DCAF17: variants seen among roughly 807,000 people sequenced by gnomAD.
The protein encoded by DCAF17 is DDB1- and CUL4-associated factor 17.
DCAF17 carries 48 observed loss-of-function variants against 66.0 expected under a neutral mutation model. The observed-to-expected ratio is 0.73, with a 90% CI of 0.58 to 0.92. DCAF17 has a LOEUF of 0.92. Among genes scored for constraint, DCAF17 ranks in the 40% least tolerant of loss-of-function variants. The pLI, the probability that DCAF17 is intolerant of heterozygous loss-of-function variation, is 0.00. For missense variants in DCAF17, 562 were observed against 622.8 expected, an observed-to-expected ratio of 0.90 and a Z score of 1.04; for synonymous variants, 206 against 214.6, an observed-to-expected ratio of 0.96 and a Z score of 0.35.
Position 171,448,682 on chromosome 2 carries a change from G to A in DCAF17, c.323G>A (p.Gly108Glu). Residue 108 changes from glycine (G) to glutamate (E), a missense_variant and splice_region_variant, in exon 4 of 14, where the codon GGA (glycine) becomes GAA (glutamate). Physicochemically the swap from Gly to Glu is moderately conservative, Grantham distance 98. Around this residue, in one of 3 missense-constraint regions of DCAF17, gnomAD observed 348 missense variants for 355.9 expected, o/e 0.98. Coordinates refer to ENST00000375255, the MANE Select transcript of DCAF17 (RefSeq NM_025000.4). ...TTATATCTCTCTTTTTTTTTTTAGG[G>A]AGATATACTTCCCAATTCATCAGAT... The part of the protein sequence containing the change: ...EDALLWECPV[G>E]DILPNSSDYK... The A allele has an allele frequency of 6.4e-7, 1 of 1,571,272 alleles. No homozygotes were observed. Among genetic ancestry groups the A allele is most frequent in the Non-Finnish European group, 8.6e-7 (1 of 1,161,914 alleles).
At chr2:171,467,300 AACATATGTAGAT>A (rs573741884) in intron 8 of DCAF17, among the ~76,000 whole-genome samples, 52 of 152,296 alleles carry the variant, frequency 3.4e-4, no homozygotes, top group Admixed American at 1.4e-3. Flanking sequence ...GAGTGCATCA[AACATATGTAGAT>A]ACTAGTTTAT....
At chr2:171,462,500 A>G (rs916880898) in intron 8 of DCAF17, among the ~76,000 whole-genome samples, 1 of 152,216 alleles carries the variant, frequency 6.6e-6, no homozygotes, top group African/African-American at 2.4e-5. Flanking sequence ...TGTAAATTAA[A>G]ATTATTATAA....
chr2:171,452,446 C>T (rs928985898), intron 5 of DCAF17, among the ~76,000 whole-genome samples: 1 of 151,896 alleles, frequency 6.6e-6, no homozygotes, highest in Non-Finnish European at 1.5e-5. Context: ...GTCAGCACAA[C>T]ACTACTTTCA....
chr2:171,452,136 C>A (rs1287240455), intron 5 of DCAF17, among the ~76,000 whole-genome samples: 1 of 152,092 alleles, frequency 6.6e-6, no homozygotes, highest in Non-Finnish European at 1.5e-5. Context: ...GCATTACAAT[C>A]TTTTTTGTTT....
In DCAF17 at chr2:171,453,227, T is replaced by C. The variant is rs1206732939; in HGVS notation, c.627+14T>C. 6 of 1,556,132 alleles carry C rather than the reference T, an allele frequency of 3.9e-6. No homozygotes were observed. The highest frequency in any genetic ancestry group is 5.3e-6 in the Non-Finnish European group (6 of 1,130,962). ...ATCAACAAAAAGGTAAGAACTCATTTCTTATTTAATTGCAATATTTTATTG... is the reference window on the plus strand; with the variant it reads ...ATCAACAAAAAGGTAAGAACTCATTCCTTATTTAATTGCAATATTTTATTG... On this transcript the variant is annotated intron_variant, in intron 6 of 13. Transcript: ENST00000375255.
chr2:171,475,418 C>T (rs1696450462), intron 10 of DCAF17, among the ~76,000 whole-genome samples: 1 of 151,894 alleles, frequency 6.6e-6, no homozygotes, highest in Non-Finnish European at 1.5e-5. Flanking sequence ...CACCTATAAC[C>T]CCAGCACTAA....
At chr2:171,451,297 A>G (rs1217855542) in intron 5 of DCAF17, among the ~76,000 whole-genome samples, 1 of 152,070 alleles carries the variant, frequency 6.6e-6, no homozygotes, top group Non-Finnish European at 1.5e-5. Context: ...AATCCTGCCC[A>G]GTCACATTAA....
chr2:171,453,253 A>G, intron 6 of DCAF17, 40 bp downstream of exon 6: 1 of 1,406,888 alleles, frequency 7.1e-7, no homozygotes, highest in Non-Finnish European at 1.0e-6. Context: ...TATTTTATTG[A>G]CAATAAGTTG....
At position 171,462,646 on chromosome 2, in the gene DCAF17, T is replaced by C. The variant is rs920094871; in HGVS notation, c.838+4169T>C. Among the ~76,000 whole-genome samples, 4 of 152,310 alleles carry C rather than the reference T, an allele frequency of 2.6e-5. No homozygotes were observed. The South Asian group carries it at 8.3e-4, about 32-fold the overall frequency. ...AACAATTTGTCAATATGACAGTTTG[T>C]TAATATGTATCAAAATTTTAAATGC... On this transcript the variant is annotated intron_variant, in intron 8 of 13. Coordinates refer to ENST00000375255, the MANE Select transcript of DCAF17 (RefSeq NM_025000.4).
chr2:171,446,660 G>T (rs1248714333), intron 3 of DCAF17, among the ~76,000 whole-genome samples: 2 of 152,118 alleles, frequency 1.3e-5, no homozygotes, highest in African/African-American at 4.8e-5. Flanking sequence ...ATATCTCAGG[G>T]TTCTTTTTAG....
Position 171,481,643 on chromosome 2 carries a change from T to C in DCAF17, c.*529T>C, listed in dbSNP as rs762022365. 1.5e-5 allele frequency: 7 copies of C among 453,114 alleles called. No individual in the cohort carries two copies. Among genetic ancestry groups the C allele is most frequent in the Non-Finnish European group, 3.1e-5 (7 of 226,558 alleles). The allele number at this position is 453,114 out of a possible 1,614,324, so 28.1% of individuals were successfully genotyped here. A position where few individuals can be genotyped will look rare whatever the true frequency, so the allele number is the denominator to read the frequency against. On this transcript the variant is annotated 3_prime_UTR_variant, in exon 14 of 14. Transcript: ENST00000375255. Reference sequence around the variant, plus strand: ...GTCATCACAGTTTTTAAAAATCTTATATATGTATTTATATGTGTTTCGTAT... The same window carrying C: ...GTCATCACAGTTTTTAAAAATCTTACATATGTATTTATATGTGTTTCGTAT...
intron 12 of DCAF17, among the ~76,000 whole-genome samples, chr2:171,479,256 G>A (rs75227314): frequency 0.028 from 4,242 of 152,254 alleles, 198 homozygotes; most frequent in African/African-American, 0.095. Context: ...AGTGATTGAG[G>A]GAAACATGCT....
intron 9 of DCAF17, among the ~76,000 whole-genome samples, chr2:171,471,402 G>A (rs527559301): frequency 6.6e-6 from 1 of 152,122 alleles, no homozygotes; most frequent in African/African-American, 2.4e-5. Context: ...ATAATAAGCT[G>A]CCCAGTATTT....
intron 9 of DCAF17, 25 bp from the exon 10 acceptor site, chr2:171,473,841 C>G (rs1266557118): frequency 6.4e-7 from 1 of 1,567,434 alleles, no homozygotes; most frequent in Admixed American, 1.7e-5. Flanking sequence ...TAATCTTTGT[C>G]TTTAATACTT....
intron 3 of DCAF17, among the ~76,000 whole-genome samples, chr2:171,448,237 T>A (rs1050640933): frequency 1.3e-5 from 2 of 152,108 alleles, no homozygotes; most frequent in Non-Finnish European, 2.9e-5. Flanking sequence ...TCTCAAGCGA[T>A]CCTCTTGCCT....
chr2:171,481,274 T>A lies in DCAF17; in HGVS notation c.*160T>A. ...TGACTTCTTTTTTAAACTCTTGCTG[T>A]AAAAGATGGTGAGGACTTCATTTTT... On this transcript the variant is annotated 3_prime_UTR_variant, in exon 14 of 14. Transcript: ENST00000375255. 1.1e-6 allele frequency: 1 copy of A among 885,294 alleles called. No individual in the cohort carries two copies. The highest frequency in any genetic ancestry group is 1.8e-6 in the Non-Finnish European group (1 of 547,636). 54.8% of individuals were successfully genotyped at this position (885,294 alleles called of 1,614,324 possible).
rs1457184454 is a variant in DCAF17 at position 171,434,564 on chromosome 2, C to G, written c.-14C>G. 4 of 1,525,254 alleles carry G rather than the reference C, an allele frequency of 2.6e-6. No homozygotes were observed. Among genetic ancestry groups the G allele is most frequent in the Admixed American group, 2.0e-5 (1 of 50,602 alleles). 94.5% of individuals were successfully genotyped at this position (1,525,254 alleles called of 1,614,324 possible). Reference sequence around the variant, plus strand: ...TCGGCGGCCCAGCCTACCCAGGGCCCGGCCCGCGCCTCCATGGGCCCGACC... The same window carrying G: ...TCGGCGGCCCAGCCTACCCAGGGCCGGGCCCGCGCCTCCATGGGCCCGACC... On this transcript the variant is annotated 5_prime_UTR_variant, in exon 1 of 14. Transcript: ENST00000375255.
At chr2:171,457,331 C>T (rs1395458277) in intron 6 of DCAF17, among the ~76,000 whole-genome samples, 2 of 152,160 alleles carry the variant, frequency 1.3e-5, no homozygotes, top group African/African-American at 2.4e-5. Flanking sequence ...GGACATCTTC[C>T]TCTATTCCTG....
rs1377686581 is a variant in DCAF17, at chr2:171,481,706, T to G, written c.*592T>G. ...TCAGGAATTGGTTCTAGTTCCCAAA[T>G]TATCTTTTCTTCCTTGGTTTTGTTC... On this transcript the variant is annotated 3_prime_UTR_variant, in exon 14 of 14. Transcript: ENST00000375255. 2.2e-6 allele frequency: 1 copy of G among 453,840 alleles called. No individual in the cohort carries two copies. The allele number at this position is 453,840 out of a possible 1,614,324, so 28.1% of individuals were successfully genotyped here. A position where few individuals can be genotyped will look rare whatever the true frequency, so the allele number is the denominator to read the frequency against.
Sources: allele counts gnomAD v4.1 joint callset (sites outside exome capture counted in the v4.1 genomes callset), GRCh38; gene constraint gnomAD v4.1.1; regional missense constraint gnomAD v4.1.1; transcripts MANE v1.5; gene names NCBI Gene and HGNC (gene_info 2026-07-23, HGNC 2026-07-21).